The following BCKDHB variants were observed in gnomAD, a reference collection of about 807,000 sequenced individuals.
BCKDHB encodes the protein 2-oxoisovalerate dehydrogenase subunit beta, mitochondrial.
In BCKDHB, 41 loss-of-function variants were observed where a neutral mutation model predicts 48.5. That is an observed-to-expected ratio of 0.85 (90% CI 0.66 to 1.10). The LOEUF is 1.10. BCKDHB is among the 50% of genes least tolerant of loss of function. The probability of loss-of-function intolerance (pLI) is 0.00; values close to 1 mark genes in which losing one functional copy is unlikely to be tolerated. For missense variants in BCKDHB, 496 were observed against 494.2 expected (o/e 1.00, Z -0.03); for synonymous variants, 201 against 174.8 (o/e 1.15, Z -1.18).
intron 3 of BCKDHB, among the ~76,000 whole-genome samples, chr6:80,158,174 G>A (rs1026683182): frequency 6.6e-6 from 1 of 152,180 alleles, no homozygotes; most frequent in Admixed American, 6.5e-5. Flanking sequence ...GCTGTGTGTT[G>A]ACATTGTTGT....
chr6:80,277,191 T>G (rs935090803), intron 9 of BCKDHB, among the ~76,000 whole-genome samples: 12 of 152,118 alleles, frequency 7.9e-5, no homozygotes, highest in African/African-American at 2.7e-4. Context: ...TTTAGATAAT[T>G]CATTGTTCTT....
chr6:80,106,616 GA>G, upstream of BCKDHB: 1 of 1,483,362 alleles, frequency 6.7e-7, no homozygotes, highest in Non-Finnish European at 9.0e-7. Flanking sequence ...GACCAATGTG[GA>G]AGCCTCCTCG....
At chr6:80,435,405 C>G in the BCKDHB span, among the ~76,000 whole-genome samples, 10 of 152,178 alleles carry the variant, frequency 6.6e-5, no homozygotes, top group African/African-American at 2.4e-4. Flanking sequence ...TATATATGTA[C>G]TAATTAAATC....
chr6:80,201,909 C>T (rs1400262189), intron 7 of BCKDHB, among the ~76,000 whole-genome samples: 1 of 152,168 alleles, frequency 6.6e-6, no homozygotes, highest in Admixed American at 6.5e-5. Context: ...TTCAATATCA[C>T]AAGCTCCTAC....
At chr6:80,130,327 C>T (rs899325863) in intron 3 of BCKDHB, among the ~76,000 whole-genome samples, 16 of 152,140 alleles carry the variant, frequency 1.1e-4, no homozygotes, top group Admixed American at 2.6e-4. Context: ...TGTATTCATA[C>T]GGGGCAAGAG....
At chr6:80,429,591 C>G in the BCKDHB span, among the ~76,000 whole-genome samples, 1 of 152,186 alleles carries the variant, frequency 6.6e-6, no homozygotes, top group Non-Finnish European at 1.5e-5. Flanking sequence ...TCCTTCACAT[C>G]CCTTGTAAGT....
At chr6:80,377,696 A>T in the BCKDHB span, among the ~76,000 whole-genome samples, 1 of 152,176 alleles carries the variant, frequency 6.6e-6, no homozygotes, top group African/African-American at 2.4e-5. Context: ...CTATATTTCT[A>T]TTCTTATGCC....
At chr6:80,132,818 A>G (rs1392765959) in intron 3 of BCKDHB, among the ~76,000 whole-genome samples, 3 of 152,348 alleles carry the variant, frequency 2.0e-5, no homozygotes, top group African/African-American at 7.2e-5. Flanking sequence ...GAAGTGAAGA[A>G]TAAAGGAAAG....
At chr6:80,399,545 T>A in the BCKDHB span, among the ~76,000 whole-genome samples, 1 of 152,080 alleles carries the variant, frequency 6.6e-6, no homozygotes, top group South Asian at 2.1e-4. Flanking sequence ...CTGATGGTGG[T>A]GAAAGATCTC....
chr6:80,394,918 T>G, the BCKDHB span, among the ~76,000 whole-genome samples: 1 of 152,206 alleles, frequency 6.6e-6, no homozygotes. Context: ...TCAGGTGATC[T>G]GATGGTTTTA....
rs143950165 is a variant in BCKDHB at position 80,114,313 on chromosome 6, A to G, written c.196+7424A>G. Among the ~76,000 whole-genome samples, 368 of 151,860 alleles carry G rather than the reference A, an allele frequency of 2.4e-3. 3 individuals carry two copies. The highest frequency in any genetic ancestry group is 8.2e-3 in the African/African-American group (338 of 41,376). ...GTCTAGGCTGGAGTGCAGTGGCTCA[A>G]TCATGGCTCACTGCAGTCTCTACTT... On this transcript the variant is annotated intron_variant, in intron 1 of 9. Coordinates refer to ENST00000320393, the MANE Select transcript of BCKDHB (RefSeq NM_183050.4).
intron 6 of BCKDHB, among the ~76,000 whole-genome samples, chr6:80,196,282 C>G (rs555528738): frequency 2.6e-5 from 4 of 152,200 alleles, no homozygotes; most frequent in East Asian, 1.9e-4. Context: ...CAAGCATAAA[C>G]ATGGTTTCAC....
rs568837906 is a variant in BCKDHB at position 80,285,519 on chromosome 6, T to C, written c.1038+12298T>C. ...TCCTTCTGGTAGTAAGCATGGATAC[T>C]CTTATATCTGTTCAGAGAACCACAG... On this transcript the variant is annotated intron_variant, in intron 9 of 9. Transcript: ENST00000320393. 4.5e-4 allele frequency among the ~76,000 whole-genome samples: 24 copies of C among 53,284 alleles called. No individual in the cohort carries two copies. The East Asian group carries it at 0.013, about 29-fold the overall frequency. The allele number at this position is 53,284 out of a possible 152,430, so 35.0% of individuals were successfully genotyped here.
chr6:80,397,703 G>A, the BCKDHB span, among the ~76,000 whole-genome samples: 5 of 152,136 alleles, frequency 3.3e-5, no homozygotes, highest in African/African-American at 4.8e-5. Flanking sequence ...CCAACATGGT[G>A]TAACCCCATC....
chr6:80,147,138 TCAA>T (rs1771526352), intron 3 of BCKDHB, among the ~76,000 whole-genome samples: 1 of 152,322 alleles, frequency 6.6e-6, no homozygotes, highest in South Asian at 2.1e-4. Context: ...CACTTAATTC[TCAA>T]CAATCCTGTA....
chr6:80,276,675 GCTA>G (rs1471586327), intron 9 of BCKDHB, among the ~76,000 whole-genome samples: 2 of 151,276 alleles, frequency 1.3e-5, no homozygotes, highest in African/African-American at 2.4e-5. Context: ...TTTCATTCCT[GCTA>G]CTTTTTTTTT....
the BCKDHB span, among the ~76,000 whole-genome samples, chr6:80,436,348 G>GCTTTTGTATT: frequency 6.6e-6 from 1 of 151,632 alleles, no homozygotes. Context: ...ATTTTTAGTA[G>GCTTTTGTATT]AGATGGGGTT....
the BCKDHB span, among the ~76,000 whole-genome samples, chr6:80,412,585 G>T: frequency 6.6e-6 from 1 of 151,914 alleles, no homozygotes; most frequent in Non-Finnish European, 1.5e-5. Flanking sequence ...AGAGTTTTTT[G>T]AATTTGACTA....
At chr6:80,200,086 AAAAG>A (rs1187441859) in intron 6 of BCKDHB, among the ~76,000 whole-genome samples, 1 of 150,856 alleles carries the variant, frequency 6.6e-6, no homozygotes, top group Non-Finnish European at 1.5e-5. Flanking sequence ...AAAAAAAAAA[AAAAG>A]AACTAAAGAA....
Sources: allele counts gnomAD v4.1 joint callset (sites outside exome capture counted in the v4.1 genomes callset), GRCh38; gene constraint gnomAD v4.1.1; transcripts MANE v1.5; gene names NCBI Gene and HGNC (gene_info 2026-07-23, HGNC 2026-07-21).